The following KCNH2 variants were observed in gnomAD, a reference collection of about 807,000 sequenced individuals.
The protein encoded by KCNH2 is potassium voltage-gated channel subfamily H member 2.
Under a neutral mutation model 95.9 loss-of-function variants are expected in KCNH2, and 35 were observed. That is an observed-to-expected ratio of 0.37 (90% CI 0.28 to 0.48). KCNH2 has a LOEUF of 0.48. Among genes scored for constraint, KCNH2 ranks in the 20% least tolerant of loss-of-function variants. KCNH2 has a pLI of 0.99. For missense variants in KCNH2, 1,274 were observed against 1,702.9 expected (o/e 0.75, Z 4.43); for synonymous variants, 786 against 754.7 (o/e 1.04, Z -0.68).
chr7:150,945,252 C>T lies in KCNH2; in HGVS notation c.*113G>A, dbSNP rs914693367. On this transcript the variant is annotated 3_prime_UTR_variant, in exon 15 of 15. Coordinates refer to ENST00000262186, the MANE Select transcript of KCNH2 (RefSeq NM_000238.4). This position sits in a 1 kb window ranked among gnomAD's most constrained non-coding sequence, Gnocchi z 5.6. ...AGGGCTGGGGGAGGAGCTGTGCTTT[C>T]GAGTTCCTCTCCCCTTCCACGGTCA... The T allele has an allele frequency of 1.1e-5, 13 of 1,202,104 alleles. No individual in the cohort carries two copies. Among genetic ancestry groups the T allele is most frequent in the East Asian group, 5.2e-5 (2 of 38,820 alleles). The allele number at this position is 1,202,104 out of a possible 1,614,324, so 74.5% of individuals were successfully genotyped here.
At chr7:150,972,779 C>G (rs3778873) in intron 2 of KCNH2, among the ~76,000 whole-genome samples, 32,985 of 152,156 alleles carry the variant, frequency 0.22, 4,061 homozygotes, top group East Asian at 0.32. Context: ...ACCTGCAAGT[C>G]GAATGGGTTG....
At chr7:150,971,153 G>A (rs970080774) in intron 2 of KCNH2, among the ~76,000 whole-genome samples, 5 of 152,146 alleles carry the variant, frequency 3.3e-5, no homozygotes, top group African/African-American at 7.2e-5. Context: ...CTTGGGGGAC[G>A]GAGAAGGGCA....
intron 2 of KCNH2, among the ~76,000 whole-genome samples, chr7:150,964,278 C>T (rs2117028732): frequency 6.6e-6 from 1 of 152,350 alleles, no homozygotes; most frequent in East Asian, 1.9e-4. Context: ...CAGTCCTCTG[C>T]AAATCACTAA....
rs750712756 is a variant in KCNH2 at position 150,945,527 on chromosome 7, CAG to C, written c.3331-15_3331-14del. The C allele has an allele frequency of 1.9e-6, 3 of 1,556,508 alleles. No homozygotes were observed. The highest frequency in any genetic ancestry group is 2.7e-5 in the African/African-American group (2 of 72,752). ...TGAACTGGGAAACCTGCAATACACA[CAG>C]AGCATGGGCAGGCGAAGAGGCCATG... On this transcript the variant is annotated splice_polypyrimidine_tract_variant and intron_variant, in intron 14 of 14. Transcript: ENST00000262186. The surrounding 1 kb of genome is among the most constrained non-coding windows in gnomAD (Gnocchi z 5.6).
In KCNH2 at chr7:150,949,958, G is replaced by A. The variant is rs1264796799; in HGVS notation, c.2398+210C>T. ...CGGATCCTGAAGGGAAGGAGAATGTGGGAACCCCAGAGTTCAGCAGCCTCA... is the reference window on the plus strand; with the variant it reads ...CGGATCCTGAAGGGAAGGAGAATGTAGGAACCCCAGAGTTCAGCAGCCTCA... On this transcript the variant is annotated intron_variant, in intron 9 of 14. Coordinates refer to ENST00000262186, the MANE Select transcript of KCNH2 (RefSeq NM_000238.4). 1.2e-5 allele frequency: 19 copies of A among 1,542,414 alleles called. No individual in the cohort carries two copies. Among genetic ancestry groups the A allele is most frequent in the Non-Finnish European group, 1.6e-5 (18 of 1,141,314 alleles).
rs1801208597 is a variant in KCNH2 at position 150,952,405 on chromosome 7, T to TGCC, written c.1557+17_1557+19dup. On this transcript the variant is annotated intron_variant, in intron 6 of 14. Transcript: ENST00000262186. This position sits in a 1 kb window ranked among gnomAD's most constrained non-coding sequence, Gnocchi z 7.3. Reference sequence around the variant, plus strand: ...TGGCCTCTCCTCTCCCTACACCACCTGCCTCCTTGCTGACCCCACCTCCTC... The same window carrying TGCC: ...TGGCCTCTCCTCTCCCTACACCACCTGCCGCCTCCTTGCTGACCCCACCTCCTC... 6.2e-7 allele frequency: 1 copy of TGCC among 1,612,170 alleles called. No individual in the cohort carries two copies. The highest frequency in any genetic ancestry group is 1.3e-5 in the African/African-American group (1 of 74,952).
At chr7:150,969,214 T>G (rs1401348862) in intron 2 of KCNH2, among the ~76,000 whole-genome samples, 7 of 152,210 alleles carry the variant, frequency 4.6e-5, no homozygotes, top group Non-Finnish European at 8.8e-5. Context: ...CTTGGGCAAG[T>G]GCCTCAGCCT....
chr7:150,951,225 C>T (rs554733186), intron 7 of KCNH2, 105 bp from the exon 8 acceptor site: 15 of 1,098,722 alleles, frequency 1.4e-5, no homozygotes, highest in African/African-American at 7.8e-5. Context: ...GTCTCAGCGT[C>T]GACATGCCCA....
Position 150,974,796 on chromosome 7 carries a change from C to T in KCNH2, c.222G>A (p.Thr74=), listed in dbSNP as rs1243986727. Residue 74 remains threonine, a synonymous_variant, in exon 2 of 15, where the codon ACG becomes ACA. Coordinates refer to ENST00000262186, the MANE Select transcript of KCNH2 (RefSeq NM_000238.4). ...CTCDFLHGPR[T]QRRAAAQIAQ... ...CGATCTGCGCGGCAGCGCGGCGCTG[C>T]GTGCGCGGCCCGTGCAGGAAGTCGC... 1.2e-6 allele frequency: 2 copies of T among 1,604,430 alleles called. No individual in the cohort carries two copies. The highest frequency in any genetic ancestry group is 1.7e-6 in the Non-Finnish European group (2 of 1,175,786).
chr7:150,977,772 C>A, intron 1 of KCNH2, 66 bp downstream of exon 1: 1 of 1,169,660 alleles, frequency 8.5e-7, no homozygotes. Flanking sequence ...GCCCCCCCAT[C>A]CACACTCGGA....
chr7:150,950,152 GC>G lies in KCNH2; in HGVS notation c.2398+15del, dbSNP rs757226937. The G allele has an allele frequency of 1.5e-5, 23 of 1,580,512 alleles. No homozygotes were observed. The highest frequency in any genetic ancestry group is 7.0e-5 in the East Asian group (3 of 43,076). ...AGAGGGCATTTCCAGTCCAGTGCCCGCCCCCCACCCCATACCCAGGATGGCC... is the reference window on the plus strand; with the variant it reads ...AGAGGGCATTTCCAGTCCAGTGCCCGCCCCCACCCCATACCCAGGATGGCC... On this transcript the variant is annotated intron_variant, in intron 9 of 14. Transcript: ENST00000262186.
intron 3 of KCNH2, 140 bp from the exon 4 acceptor site, chr7:150,958,642 A>G: frequency 3.5e-6 from 2 of 573,926 alleles, no homozygotes; most frequent in Non-Finnish European, 5.5e-6. Context: ...CATTCACAAT[A>G]TTTTGACCTC....
intron 1 of KCNH2, 45 bp from the exon 2 acceptor site, chr7:150,974,986 C>A: frequency 6.7e-7 from 1 of 1,488,668 alleles, no homozygotes; most frequent in South Asian, 1.2e-5. Context: ...GGACCCCAGC[C>A]TCCGGGACTC....
Position 150,946,535 on chromosome 7 carries a change from T to A in KCNH2, c.3330+342A>T, listed in dbSNP as rs775868118. Among the ~76,000 whole-genome samples the A allele has an allele frequency of 6.6e-6, 1 of 152,124 alleles. No homozygotes were observed. Among genetic ancestry groups the A allele is most frequent in the Non-Finnish European group, 1.5e-5 (1 of 68,010 alleles). ...AGTTCTTGGAGACCACCCGTGGCCG[T>A]GAGACAGGCACCACCGTTGGAGCTG... On this transcript the variant is annotated intron_variant, in intron 14 of 14. Transcript: ENST00000262186. The surrounding 1 kb of genome is among the most constrained non-coding windows in gnomAD (Gnocchi z 6.5).
intron 8 of KCNH2, 130 bp from the exon 9 acceptor site, chr7:150,950,550 C>G: frequency 8.1e-7 from 1 of 1,239,490 alleles, no homozygotes; most frequent in East Asian, 2.5e-5. Flanking sequence ...TCGGAAGCAT[C>G]AGGGGGCCCA....
chr7:150,945,542 C>A lies in KCNH2; in HGVS notation c.3331-28G>T. The A allele has an allele frequency of 6.4e-7, 1 of 1,554,432 alleles. No individual in the cohort carries two copies. The highest frequency in any genetic ancestry group is 8.7e-7 in the Non-Finnish European group (1 of 1,149,040). On this transcript the variant is annotated intron_variant, in intron 14 of 14. Transcript: ENST00000262186. The surrounding 1 kb of genome is among the most constrained non-coding windows in gnomAD (Gnocchi z 5.6). ...GCAATACACACAGAGCATGGGCAGGCGAAGAGGCCATGGAGGAGGAGGAAG... is the reference window on the plus strand; with the variant it reads ...GCAATACACACAGAGCATGGGCAGGAGAAGAGGCCATGGAGGAGGAGGAAG...
In KCNH2 at chr7:150,977,908, C is replaced by G; in HGVS notation, c.6G>C (p.Pro2=). The part of the protein sequence containing the change: M[P]VRRGHVAPQN... ...GCGGCGCGACGTGGCCCCTCCGCAC[C>G]GGCATCCTGAGCCCATGGGCGGGCC... The change falls in exon 1 of 15, where the codon CCG becomes CCC. Residue 2 remains proline (P), a synonymous_variant. Transcript: ENST00000262186. The G allele has an allele frequency of 1.2e-6, 2 of 1,604,498 alleles. No individual in the cohort carries two copies. Among genetic ancestry groups the G allele is most frequent in the Non-Finnish European group, 1.7e-6 (2 of 1,176,800 alleles).
intron 2 of KCNH2, among the ~76,000 whole-genome samples, chr7:150,965,906 C>T (rs752894911): frequency 6.6e-6 from 1 of 152,226 alleles, no homozygotes. Flanking sequence ...CACCCTTTCA[C>T]AGCAGAATTT....
chr7:150,959,822 T>TGGAC, intron 2 of KCNH2, 86 bp from the exon 3 acceptor site: 1 of 1,495,400 alleles, frequency 6.7e-7, no homozygotes, highest in Non-Finnish European at 9.2e-7. Flanking sequence ...GGAACCCAAG[T>TGGAC]GGGCCCGTCC....
Sources: allele counts gnomAD v4.1 joint callset (sites outside exome capture counted in the v4.1 genomes callset), GRCh38; gene constraint gnomAD v4.1.1; non-coding constraint Gnocchi (gnomAD v3.1); transcripts MANE v1.5; gene names NCBI Gene and HGNC (gene_info 2026-07-23, HGNC 2026-07-21).